Variants in ADAP1 observed in about 807,000 individuals in gnomAD.
The protein encoded by ADAP1 is arf-GAP with dual PH domain-containing protein 1.
In ADAP1, 31 loss-of-function variants were observed where a neutral mutation model predicts 54.9. That is an observed-to-expected ratio of 0.56 (90% CI 0.42 to 0.76). ADAP1 has a LOEUF of 0.76. Ranked by LOEUF, ADAP1 falls within the 30% of genes least tolerant of loss-of-function variation. ADAP1 has a pLI of 0.00. For synonymous variants in ADAP1, 313 were observed against 202.6 expected (o/e 1.55, Z -4.63); for missense variants, 535 against 512.4 (o/e 1.04, Z -0.42).
In ADAP1 at chr7:898,792, G is replaced by A; in HGVS notation, c.*129C>T. On this transcript the variant is annotated 3_prime_UTR_variant, in exon 11 of 11. Transcript: ENST00000265846. Reference sequence around the variant, plus strand: ...GGAAGCTGAAGCTCGGGCCCTACCTGGCCGCGCCGGGCTGCCCTGAGGAGC... The same window carrying A: ...GGAAGCTGAAGCTCGGGCCCTACCTAGCCGCGCCGGGCTGCCCTGAGGAGC... The A allele has an allele frequency of 1.5e-6, 2 of 1,306,948 alleles. No individual in the cohort carries two copies. Among genetic ancestry groups the A allele is most frequent in the Non-Finnish European group, 2.1e-6 (2 of 943,436 alleles). The allele number at this position is 1,306,948 out of a possible 1,614,324, so 81.0% of individuals were successfully genotyped here. A position where few individuals can be genotyped will look rare whatever the true frequency, so the allele number is the denominator to read the frequency against.
chr7:951,265 C>T (rs542413570), intron 1 of ADAP1, among the ~76,000 whole-genome samples: 62 of 151,208 alleles, frequency 4.1e-4, no homozygotes, highest in Non-Finnish European at 5.9e-4. Flanking sequence ...CCCAGCTACT[C>T]GGGAGGCTGA....
At chr7:916,190 G>A (rs1284738827) in intron 4 of ADAP1, among the ~76,000 whole-genome samples, 1 of 152,208 alleles carries the variant, frequency 6.6e-6, no homozygotes, top group Non-Finnish European at 1.5e-5. Context: ...CAGCCCGGGA[G>A]AGCAGGGATG....
chr7:928,857 C>T (rs116578274), intron 2 of ADAP1, among the ~76,000 whole-genome samples: 2,407 of 152,308 alleles, frequency 0.016, 53 homozygotes, highest in African/African-American at 0.054. Context: ...GTAAGAGACG[C>T]GAAGACGCAG....
intron 5 of ADAP1, among the ~76,000 whole-genome samples, chr7:904,801 C>T (rs368480843): frequency 4.6e-5 from 7 of 152,360 alleles, no homozygotes; most frequent in African/African-American, 1.4e-4. Context: ...TCTCCCTCTC[C>T]CACGGCTGGG....
chr7:903,326 G>T (rs1392707507), intron 6 of ADAP1, among the ~76,000 whole-genome samples: 1 of 152,152 alleles, frequency 6.6e-6, no homozygotes, highest in Non-Finnish European at 1.5e-5. Context: ...GAAAGAGCTG[G>T]AACCTCTACT....
At chr7:955,224 G>A (rs1295484343), upstream of ADAP1, 5 of 1,416,628 alleles carry the variant, frequency 3.5e-6, no homozygotes, top group Non-Finnish European at 4.9e-6. Flanking sequence ...CACTCAGGCA[G>A]GCTGAGGGGC....
At chr7:903,211 C>A (rs1031641126) in intron 6 of ADAP1, among the ~76,000 whole-genome samples, 1 of 152,156 alleles carries the variant, frequency 6.6e-6, no homozygotes. Flanking sequence ...GCGATCACAG[C>A]GTGCTCTGAG....
At chr7:911,279 G>A (rs866071505) in intron 4 of ADAP1, among the ~76,000 whole-genome samples, 4 of 152,108 alleles carry the variant, frequency 2.6e-5, no homozygotes, top group African/African-American at 7.2e-5. Flanking sequence ...CATGGGGCCC[G>A]GCCCCCGACA....
At chr7:905,299 A>AGGGGACACG (rs1845074001) in intron 4 of ADAP1, 127 bp from the exon 5 acceptor site, 1 of 172,156 alleles carries the variant, frequency 5.8e-6, no homozygotes, top group African/African-American at 9.2e-5. Flanking sequence ...GGACACGGAC[A>AGGGGACACG]GGGGGAGACG....
intron 4 of ADAP1, among the ~76,000 whole-genome samples, chr7:914,016 C>G (rs186063101): frequency 6.6e-6 from 1 of 152,242 alleles, no homozygotes; most frequent in Non-Finnish European, 1.5e-5. Flanking sequence ...TGGGGCTCCG[C>G]CTTCCTCAGC....
At chr7:929,109 C>G (rs1347144565) in intron 2 of ADAP1, among the ~76,000 whole-genome samples, 1 of 151,886 alleles carries the variant, frequency 6.6e-6, no homozygotes, top group African/African-American at 2.4e-5. Flanking sequence ...CTGGGCAACA[C>G]GGTGAGACCC....
chr7:912,175 T>TGAACCACAGGG (rs886736423), intron 4 of ADAP1, among the ~76,000 whole-genome samples: 1 of 152,156 alleles, frequency 6.6e-6, no homozygotes, highest in African/African-American at 2.4e-5. Flanking sequence ...GGGGCCGTCC[T>TGAACCACAGGG]GAACCACAGG....
chr7:925,510 G>A (rs576301612), intron 3 of ADAP1, among the ~76,000 whole-genome samples: 15 of 137,696 alleles, frequency 1.1e-4, no homozygotes, highest in Non-Finnish European at 2.0e-4. Flanking sequence ...AGGGGCCTTC[G>A]GATCCAGTGA....
At position 933,538 on chromosome 7, in the gene ADAP1, AGTGGTGCTGGAGAGCCGGGGG is replaced by A. The variant is rs1562932297; in HGVS notation, c.213+1816_213+1836del. Among the ~76,000 whole-genome samples the A allele has an allele frequency of 4.8e-3, 378 of 78,976 alleles. 12 individuals carry two copies. The highest frequency in any genetic ancestry group is 0.016 in the African/African-American group (280 of 17,444). 51.8% of individuals were successfully genotyped at this position (78,976 alleles called of 152,430 possible). A position where few individuals can be genotyped will look rare whatever the true frequency, so the allele number is the denominator to read the frequency against. ...GAGCCGGGGGCCGGGGGCCGGGGTC[AGTGGTGCTGGAGAGCCGGGGG>A]CCGGGGTCAGTGGTGGTGCAGAGCC... On this transcript the variant is annotated intron_variant, in intron 2 of 10. Coordinates refer to ENST00000265846, the MANE Select transcript of ADAP1 (RefSeq NM_006869.4).
intron 1 of ADAP1, among the ~76,000 whole-genome samples, chr7:943,299 G>T (rs1474358029): frequency 5.2e-5 from 1 of 19,070 alleles, no homozygotes; most frequent in Non-Finnish European, 9.0e-5. Flanking sequence ...GGAGAGAGGA[G>T]GACGAAGGGA....
In ADAP1 at chr7:935,425, T is replaced by G. The variant is rs1846721844; in HGVS notation, c.163A>C (p.Ser55Arg). ...SGIHRNIPQV[S>R]KVKSVRLDAW... ...TCCAGGCGGACGGACTTCACCTTGC[T>G]GACCTGGGGGATATTCCGGTGGATT... Residue 55 changes from serine to arginine, a missense_variant, in exon 2 of 11, where the codon AGC (serine) becomes CGC (arginine). By Grantham distance (110) the Ser-to-Arg change is moderately radical. Transcript: ENST00000265846. The G allele has an allele frequency of 1.3e-6, 2 of 1,560,930 alleles. No individual in the cohort carries two copies. The highest frequency in any genetic ancestry group is 1.7e-6 in the Non-Finnish European group (2 of 1,152,392).
At chr7:919,913 G>A (rs1456039290) in intron 4 of ADAP1, 55 bp downstream of exon 4, 11 of 1,423,784 alleles carry the variant, frequency 7.7e-6, no homozygotes, top group Non-Finnish European at 1.1e-5. Flanking sequence ...GGGGAGGGAG[G>A]GAGAGAGCCA....
chr7:918,632 C>T (rs1377903562), intron 4 of ADAP1, among the ~76,000 whole-genome samples: 1 of 152,190 alleles, frequency 6.6e-6, no homozygotes, highest in African/African-American at 2.4e-5. Flanking sequence ...CAGCACCAAA[C>T]ATCCCCATCC....
At chr7:909,953 A>T (rs1347089789) in intron 4 of ADAP1, among the ~76,000 whole-genome samples, 1 of 151,766 alleles carries the variant, frequency 6.6e-6, no homozygotes, top group African/African-American at 2.4e-5. Flanking sequence ...TCCAGTCCAC[A>T]CCCCATGCCC....
Sources: allele counts gnomAD v4.1 joint callset (sites outside exome capture counted in the v4.1 genomes callset), GRCh38; gene constraint gnomAD v4.1.1; transcripts MANE v1.5; gene names NCBI Gene and HGNC (gene_info 2026-07-23, HGNC 2026-07-21).